STAT1: variants seen among roughly 807,000 people sequenced by gnomAD.
STAT1 encodes signal transducer and activator of transcription 1.
STAT1 carries 24 observed loss-of-function variants against 111.7 expected under a neutral mutation model. That is an observed-to-expected ratio of 0.21 (90% confidence interval 0.16 to 0.30). STAT1 has a LOEUF of 0.30. Ranked by LOEUF, STAT1 falls within the 10% of genes least tolerant of loss-of-function variation. The pLI is 1.00. For missense variants in STAT1, 351 were observed against 911.9 expected (o/e 0.38, Z 7.92); for synonymous variants, 332 against 326.5 (o/e 1.02, Z -0.18).
chr2:190,993,202 T>A lies in STAT1; in HGVS notation c.944+1859A>T. 1 of 546,814 alleles carries A rather than the reference T, an allele frequency of 1.8e-6. No individual in the cohort carries two copies. 33.9% of individuals were successfully genotyped at this position (546,814 alleles called of 1,614,324 possible). ...CTGTGGTCAGATCACACTTGTTCCC[T>A]ACCAACAATTTGTTGACGTTTTCAC... On this transcript the variant is annotated intron_variant, in intron 10 of 24. Transcript: ENST00000361099. The surrounding 1 kb of genome is among the most constrained non-coding windows in gnomAD (Gnocchi z 4.1).
Position 191,002,703 on chromosome 2 carries a change from G to A in STAT1, c.373-1540C>T, listed in dbSNP as rs186480140. Among the ~76,000 whole-genome samples, 565 of 152,106 alleles carry A rather than the reference G, an allele frequency of 3.7e-3. 10 individuals are homozygous for A. The highest frequency in any genetic ancestry group is 0.013 in the African/African-American group (521 of 41,496). On this transcript the variant is annotated intron_variant, in intron 5 of 24. Coordinates refer to ENST00000361099, the MANE Select transcript of STAT1 (RefSeq NM_007315.4). ...CACCAATACGATGCTAAATAGCAGTGGAAACACAGCATCCTTGCTGTGTTT... is the reference window on the plus strand; with the variant it reads ...CACCAATACGATGCTAAATAGCAGTAGAAACACAGCATCCTTGCTGTGTTT...
chr2:190,970,755 G>C lies in STAT1; in HGVS notation c.2239-38C>G. On this transcript the variant is annotated intron_variant, in intron 24 of 24. Coordinates refer to ENST00000361099, the MANE Select transcript of STAT1 (RefSeq NM_007315.4). The surrounding 1 kb of genome is among the most constrained non-coding windows in gnomAD (Gnocchi z 5.4). ...AAAATGTGGTTAAGTTTATTACACT[G>C]ATCTTGTGAAATGCAGACTCATACA... is the stretch of plus-strand genomic sequence containing the variant. 1 of 1,590,714 alleles carries C rather than the reference G, an allele frequency of 6.3e-7. No homozygotes were observed. The highest frequency in any genetic ancestry group is 1.3e-5 in the African/African-American group (1 of 74,506).
At position 190,996,007 on chromosome 2, in the gene STAT1, G is replaced by A. The variant is rs1364095364; in HGVS notation, c.786-788C>T. On this transcript the variant is annotated intron_variant, in intron 9 of 24. Coordinates refer to ENST00000361099, the MANE Select transcript of STAT1 (RefSeq NM_007315.4). This position sits in a 1 kb window ranked among gnomAD's most constrained non-coding sequence, Gnocchi z 4.5. ...CAAGAGAGTGGCATCAGCAAGCAGTGTCTCGGCAGGACCAGTCAGAGATGT... is the reference window on the plus strand; with the variant it reads ...CAAGAGAGTGGCATCAGCAAGCAGTATCTCGGCAGGACCAGTCAGAGATGT... Among the ~76,000 whole-genome samples, 1 of 151,628 alleles carries A rather than the reference G, an allele frequency of 6.6e-6. No homozygotes were observed. The highest frequency in any genetic ancestry group is 1.9e-4 in the East Asian group (1 of 5,168).
rs755882174 is a variant in STAT1 at position 191,001,116 on chromosome 2, T to C, written c.420A>G (p.Lys140=). 3.7e-6 allele frequency: 6 copies of C among 1,614,012 alleles called. No homozygotes were observed. Among genetic ancestry groups the C allele is most frequent in the Non-Finnish European group, 3.4e-6 (4 of 1,179,964 alleles). ...IQSTVMLDKQ[K]ELDSKVRNVK... ...CATTTCTGACTTTACTGTCAAGCTC[T>C]TTCTGTTTGTCTAACATCACTGTGC... Residue 140 remains lysine (K), a synonymous_variant, in exon 6 of 25, where the codon AAA becomes AAG. Coordinates refer to ENST00000361099, the MANE Select transcript of STAT1 (RefSeq NM_007315.4).
In STAT1 at chr2:190,986,851, T is replaced by C; in HGVS notation, c.1221+3A>G. 1 of 1,613,978 alleles carries C rather than the reference T, an allele frequency of 6.2e-7. No homozygotes were observed. Among genetic ancestry groups the C allele is most frequent in the South Asian group, 1.1e-5 (1 of 91,084 alleles). On this transcript the variant is annotated splice_donor_region_variant and intron_variant, in intron 14 of 24. Transcript: ENST00000361099. The surrounding 1 kb of genome is among the most constrained non-coding windows in gnomAD (Gnocchi z 5.0). ...AACATAGAGAGGAAACTGATGTCCC[T>C]ACCAGGTGCCGAAATTCAGCCGCCA...
Position 190,979,666 on chromosome 2 carries a change from T to G in STAT1, c.1727+106A>C. ...GGCAGCCTATAAATGCGCACTCCTG[T>G]GAGATTCACACACGCCTAGTCAAAT... On this transcript the variant is annotated intron_variant, in intron 20 of 24. Transcript: ENST00000361099. The surrounding 1 kb of genome is among the most constrained non-coding windows in gnomAD (Gnocchi z 5.8). The G allele has an allele frequency of 1.1e-6, 1 of 910,164 alleles. No individual in the cohort carries two copies. Among genetic ancestry groups the G allele is most frequent in the Non-Finnish European group, 1.8e-6 (1 of 549,242 alleles). 56.4% of individuals were successfully genotyped at this position (910,164 alleles called of 1,614,324 possible). A position where few individuals can be genotyped will look rare whatever the true frequency, so the allele number is the denominator to read the frequency against.
Position 190,998,672 on chromosome 2 carries a change from C to CAAAAAAAACAA in STAT1, c.542-375_542-365dup, listed in dbSNP as rs371099581. Reference sequence around the variant, plus strand: ...GCGAGACTCCGTCTCCAAAAAAAAACAAAAAAAACAAAAAAAAAACAAAAA... The same window carrying CAAAAAAAACAA: ...GCGAGACTCCGTCTCCAAAAAAAAACAAAAAAAACAAAAAAAAAACAAAAAAAAAACAAAAA... On this transcript the variant is annotated intron_variant, in intron 7 of 24. Coordinates refer to ENST00000361099, the MANE Select transcript of STAT1 (RefSeq NM_007315.4). This position sits in a 1 kb window ranked among gnomAD's most constrained non-coding sequence, Gnocchi z 4.1. Among the ~76,000 whole-genome samples the CAAAAAAAACAA allele has an allele frequency of 1.4e-5, 2 of 140,840 alleles. No homozygotes were observed. Among genetic ancestry groups the CAAAAAAAACAA allele is most frequent in the East Asian group, 2.0e-4 (1 of 4,886 alleles). 92.4% of individuals were successfully genotyped at this position (140,840 alleles called of 152,430 possible).
rs1007000950 is a variant in STAT1 at position 191,014,139 on chromosome 2, C to G, written c.-277G>C. The G allele has an allele frequency of 6.5e-6, 1 of 154,528 alleles. No individual in the cohort carries two copies. The highest frequency in any genetic ancestry group is 1.9e-4 in the East Asian group (1 of 5,340). The allele number at this position is 154,528 out of a possible 1,614,324, so 9.6% of individuals were successfully genotyped here. On this transcript the variant is annotated 5_prime_UTR_variant, in exon 1 of 25. Coordinates refer to ENST00000361099, the MANE Select transcript of STAT1 (RefSeq NM_007315.4). ...GCGCGATCCCCCCGGTGCAGCCGAG[C>G]CCCTCCGCAGACTCTGCGCAGGAAA...
At position 190,995,006 on chromosome 2, in the gene STAT1, T is replaced by C; in HGVS notation, c.944+55A>G. Reference sequence around the variant, plus strand: ...TAAATCATCTGAATTAACGGTAAAATGTTCCTCTGTATAGACCGATTACAG... The same window carrying C: ...TAAATCATCTGAATTAACGGTAAAACGTTCCTCTGTATAGACCGATTACAG... On this transcript the variant is annotated intron_variant, in intron 10 of 24. Transcript: ENST00000361099. The surrounding 1 kb of genome is among the most constrained non-coding windows in gnomAD (Gnocchi z 4.2). 2 of 1,531,964 alleles carry C rather than the reference T, an allele frequency of 1.3e-6. No homozygotes were observed. Among genetic ancestry groups the C allele is most frequent in the Non-Finnish European group, 1.8e-6 (2 of 1,109,972 alleles). The allele number at this position is 1,531,964 out of a possible 1,614,324, so 94.9% of individuals were successfully genotyped here.
Position 190,977,994 on chromosome 2 carries a change from AT to A in STAT1, c.1873+861del, listed in dbSNP as rs1692042196. On this transcript the variant is annotated intron_variant, in intron 21 of 24. Transcript: ENST00000361099. The surrounding 1 kb of genome is among the most constrained non-coding windows in gnomAD (Gnocchi z 4.7). ...AAGAATACCGTTCCAGAAAAAAAAAATAGAAGAGTATTCCAGAAAAACAAAC... is the reference window on the plus strand; with the variant it reads ...AAGAATACCGTTCCAGAAAAAAAAAAAGAAGAGTATTCCAGAAAAACAAAC... Among the ~76,000 whole-genome samples the A allele has an allele frequency of 2.0e-5, 3 of 152,168 alleles. No individual in the cohort carries two copies. Among genetic ancestry groups the A allele is most frequent in the Non-Finnish European group, 1.5e-5 (1 of 68,026 alleles).
At chr2:190,972,739 T>C (rs570946894) in intron 24 of STAT1, among the ~76,000 whole-genome samples, 225 of 152,030 alleles carry the variant, frequency 1.5e-3, no homozygotes, top group Non-Finnish European at 2.7e-3. Context: ...TTTTCTTTTT[T>C]TTTTTTTATA....
chr2:190,979,655 G>A lies in STAT1; in HGVS notation c.1727+117C>T. The A allele has an allele frequency of 1.3e-6, 1 of 771,718 alleles. No individual in the cohort carries two copies. Among genetic ancestry groups the A allele is most frequent in the Non-Finnish European group, 2.3e-6 (1 of 442,524 alleles). 47.8% of individuals were successfully genotyped at this position (771,718 alleles called of 1,614,324 possible). On this transcript the variant is annotated intron_variant, in intron 20 of 24. Transcript: ENST00000361099. This position sits in a 1 kb window ranked among gnomAD's most constrained non-coding sequence, Gnocchi z 5.8. ...AGCCCTGAAGGGGCAGCCTATAAAT[G>A]CGCACTCCTGTGAGATTCACACACG...
rs1297725719 is a variant in STAT1 at position 190,981,896 on chromosome 2, C to G, written c.1582+487G>C. 5.9e-5 allele frequency among the ~76,000 whole-genome samples: 9 copies of G among 152,196 alleles called. No homozygotes were observed. Among genetic ancestry groups the G allele is most frequent in the Non-Finnish European group, 1.3e-4 (9 of 68,042 alleles). ...GACTCTGTCCAATCAGGCAAAACTG[C>G]AGATCAAAAGAGGCATCCTCTTGTG... On this transcript the variant is annotated intron_variant, in intron 18 of 24. Transcript: ENST00000361099. This position sits in a 1 kb window ranked among gnomAD's most constrained non-coding sequence, Gnocchi z 4.1.
At position 191,004,430 on chromosome 2, in the gene STAT1, T is replaced by C. The variant is rs1431317200; in HGVS notation, c.372+3133A>G. Among the ~76,000 whole-genome samples, 1 of 152,198 alleles carries C rather than the reference T, an allele frequency of 6.6e-6. No individual in the cohort carries two copies. Among genetic ancestry groups the C allele is most frequent in the Non-Finnish European group, 1.5e-5 (1 of 68,038 alleles). On this transcript the variant is annotated intron_variant, in intron 5 of 24. Transcript: ENST00000361099. This position sits in a 1 kb window ranked among gnomAD's most constrained non-coding sequence, Gnocchi z 5.0. The stretch of plus-strand genomic sequence containing the variant: ...GTCTTCTGCTCAGGAAGGGGGTCCT[T>C]TCCAATGGAGTGAGCAGTTGTCCAA...
rs977837416 is a variant in STAT1 at position 191,006,099 on chromosome 2, C to T, written c.372+1464G>A. The stretch of plus-strand genomic sequence containing the variant: ...AAATGTGAGGATGACATGCTTGCAG[C>T]TGGGGGAAACAGGTTGTCCTTCTGC... On this transcript the variant is annotated intron_variant, in intron 5 of 24. Transcript: ENST00000361099. The surrounding 1 kb of genome is among the most constrained non-coding windows in gnomAD (Gnocchi z 4.6). 2.0e-5 allele frequency among the ~76,000 whole-genome samples: 3 copies of T among 152,220 alleles called. No individual in the cohort carries two copies. The highest frequency in any genetic ancestry group is 4.4e-5 in the Non-Finnish European group (3 of 68,034).
At chr2:190,985,790 A>G (rs1337325073) in intron 14 of STAT1, 130 bp from the exon 15 acceptor site, 4 of 1,014,478 alleles carry the variant, frequency 3.9e-6, no homozygotes, top group African/African-American at 3.2e-5. Context: ...AATGCAGAAC[A>G]TGGGACAAAT....
In STAT1 at chr2:190,974,147, A is replaced by C. The variant is rs531579142; in HGVS notation, c.2238+683T>G. On this transcript the variant is annotated intron_variant, in intron 24 of 24. Coordinates refer to ENST00000361099, the MANE Select transcript of STAT1 (RefSeq NM_007315.4). The surrounding 1 kb of genome is among the most constrained non-coding windows in gnomAD (Gnocchi z 4.8). The stretch of plus-strand genomic sequence containing the variant: ...TCAGCAAAAATCCAGCCAAGCAAGC[A>C]CAATCTTTAAGAGGAAGGATTTTAG... 6.6e-6 allele frequency among the ~76,000 whole-genome samples: 1 copy of C among 152,248 alleles called. No homozygotes were observed. The highest frequency in any genetic ancestry group is 1.5e-5 in the Non-Finnish European group (1 of 68,040).
At position 191,004,099 on chromosome 2, in the gene STAT1, C is replaced by G. The variant is rs1195874351; in HGVS notation, c.373-2936G>C. ...TGGGCAGTAGTCCCTCCAAGTCACT[C>G]AAACCCTTGGTGCTCTCTTACCCCT... On this transcript the variant is annotated intron_variant, in intron 5 of 24. Coordinates refer to ENST00000361099, the MANE Select transcript of STAT1 (RefSeq NM_007315.4). The surrounding 1 kb of genome is among the most constrained non-coding windows in gnomAD (Gnocchi z 5.0). Among the ~76,000 whole-genome samples, 1 of 152,190 alleles carries G rather than the reference C, an allele frequency of 6.6e-6. No individual in the cohort carries two copies. The highest frequency in any genetic ancestry group is 1.5e-5 in the Non-Finnish European group (1 of 68,030).
Position 191,004,770 on chromosome 2 carries a change from G to A in STAT1, c.372+2793C>T, listed in dbSNP as rs1305181939. Among the ~76,000 whole-genome samples the A allele has an allele frequency of 2.6e-5, 4 of 152,172 alleles. No individual in the cohort carries two copies. Among genetic ancestry groups the A allele is most frequent in the Non-Finnish European group, 4.4e-5 (3 of 68,028 alleles). ...TAGCACAGGGCCTGAAACATGATAA[G>A]CACTCAGCATATGGTAACCATTAGT... On this transcript the variant is annotated intron_variant, in intron 5 of 24. Transcript: ENST00000361099. The surrounding 1 kb of genome is among the most constrained non-coding windows in gnomAD (Gnocchi z 5.0).
Sources: gnomAD v4.1 joint callset for allele counts (sites outside exome capture counted in the v4.1 genomes callset) on GRCh38, gnomAD v4.1.1 for gene constraint, Gnocchi (gnomAD v3.1) non-coding constraint, MANE v1.5 for transcripts, NCBI Gene and HGNC (gene_info 2026-07-23, HGNC 2026-07-21) for gene names.